The following RALGPS1 variants were observed in gnomAD, a reference collection of about 807,000 sequenced individuals.
RALGPS1 encodes the protein Ral GEF with PH domain and SH3 binding motif 1.
RALGPS1 carries 19 observed loss-of-function variants against 78.8 expected under a neutral mutation model. The observed-to-expected ratio is 0.24, with a 90% CI of 0.17 to 0.35. RALGPS1 has a LOEUF of 0.35. Ranked by LOEUF, RALGPS1 falls within the 10% of genes least tolerant of loss-of-function variation. RALGPS1 has a pLI of 1.00. For synonymous variants in RALGPS1, 228 were observed against 256.3 expected (o/e 0.89, Z 1.06); for missense variants, 454 against 688.3 (o/e 0.66, Z 3.81).
intron 8 of RALGPS1, among the ~76,000 whole-genome samples, chr9:127,139,201 G>A (rs1001244475): frequency 1.4e-4 from 21 of 152,144 alleles, no homozygotes; most frequent in African/African-American, 4.6e-4. Context: ...GCTGACACAC[G>A]GCAGACCTAG....
Position 127,219,141 on chromosome 9 carries a change from G to A in RALGPS1, c.*372G>A, listed in dbSNP as rs1407121796. 2.0e-5 allele frequency: 6 copies of A among 293,426 alleles called. No individual in the cohort carries two copies. Among genetic ancestry groups the A allele is most frequent in the African/African-American group, 1.1e-4 (5 of 46,374 alleles). 18.2% of individuals were successfully genotyped at this position (293,426 alleles called of 1,614,324 possible). On this transcript the variant is annotated 3_prime_UTR_variant, in exon 19 of 19. Coordinates refer to ENST00000259351, the MANE Select transcript of RALGPS1 (RefSeq NM_014636.3). The surrounding 1 kb of genome is among the most constrained non-coding windows in gnomAD (Gnocchi z 5.0). Reference sequence around the variant, plus strand: ...TAACTAACCTGTGAGAGGGGCCCGAGAGAAGGAACAGCTGTGGAACAGGCT... The same window carrying A: ...TAACTAACCTGTGAGAGGGGCCCGAAAGAAGGAACAGCTGTGGAACAGGCT...
chr9:127,100,671 G>A (rs116124818), intron 8 of RALGPS1, among the ~76,000 whole-genome samples: 1 of 152,236 alleles, frequency 6.6e-6, no homozygotes, highest in African/African-American at 2.4e-5. Flanking sequence ...TAATGAGAGT[G>A]GCCATGGCTC....
intron 8 of RALGPS1, among the ~76,000 whole-genome samples, chr9:127,094,159 C>T (rs951263162): frequency 1.3e-5 from 2 of 152,156 alleles, no homozygotes; most frequent in Admixed American, 1.3e-4. Context: ...CTCTCACCCG[C>T]CTCACAGTTT....
chr9:127,032,063 G>T (rs1386920615), intron 4 of RALGPS1, among the ~76,000 whole-genome samples: 2 of 152,222 alleles, frequency 1.3e-5, no homozygotes, highest in Non-Finnish European at 2.9e-5. Context: ...TTGCTTAACA[G>T]CAGCGTGCCC....
Position 126,931,281 on chromosome 9 carries a change from G to A in RALGPS1, c.-66+16306G>A, listed in dbSNP as rs953875494. On this transcript the variant is annotated intron_variant, in intron 1 of 18. Transcript: ENST00000259351. ...TAATCTACACTCAGGGAAGCCATGT[G>A]TCTACCTAAAAGAAGAGAGGGAGGA... Among the ~76,000 whole-genome samples, 99 of 152,304 alleles carry A rather than the reference G, an allele frequency of 6.5e-4. 1 individual carries two copies. Among genetic ancestry groups the A allele is most frequent in the East Asian group, 3.9e-4 (2 of 5,194 alleles).
chr9:126,940,547 C>T (rs185138429), intron 1 of RALGPS1, among the ~76,000 whole-genome samples: 2 of 150,892 alleles, frequency 1.3e-5, no homozygotes, highest in African/African-American at 2.4e-5. Context: ...TCACGCCATT[C>T]TCCTGCCTCA....
chr9:126,977,472 C>T (rs2040775682), intron 3 of RALGPS1, among the ~76,000 whole-genome samples: 1 of 152,180 alleles, frequency 6.6e-6, no homozygotes, highest in Non-Finnish European at 1.5e-5. Context: ...GAAAGTTCAT[C>T]TCACATTCAA....
intron 4 of RALGPS1, among the ~76,000 whole-genome samples, chr9:127,020,685 C>A (rs1427231693): frequency 6.6e-6 from 1 of 152,226 alleles, no homozygotes; most frequent in Non-Finnish European, 1.5e-5. Context: ...ATAGTATGAG[C>A]TCAGTTGAGA....
chr9:127,174,919 T>C, intron 11 of RALGPS1, 137 bp downstream of exon 11: 2 of 718,936 alleles, frequency 2.8e-6, no homozygotes, highest in Non-Finnish European at 4.8e-6. Context: ...TTCACAGCCC[T>C]CCTGCACCAG....
intron 1 of RALGPS1, among the ~76,000 whole-genome samples, chr9:126,938,457 G>A (rs720342): frequency 0.013 from 1,994 of 152,244 alleles, 17 homozygotes; most frequent in Middle Eastern, 0.031. Context: ...GGGCCCAGCA[G>A]GCATGGAGGC....
intron 4 of RALGPS1, among the ~76,000 whole-genome samples, chr9:127,007,024 C>G (rs182164915): frequency 6.6e-6 from 1 of 152,126 alleles, no homozygotes; most frequent in African/African-American, 2.4e-5. Flanking sequence ...AAATTGTGTA[C>G]AACATTTCTC....
rs752743336 is a variant in RALGPS1 at position 127,164,234 on chromosome 9, C to CTTA, written c.611-1833_611-1832insATT. Among the ~76,000 whole-genome samples the CTTA allele has an allele frequency of 2.4e-3, 365 of 151,890 alleles. 2 individuals are homozygous for CTTA. Among genetic ancestry groups the CTTA allele is most frequent in the Non-Finnish European group, 4.0e-3 (275 of 67,914 alleles). On this transcript the variant is annotated intron_variant, in intron 8 of 18. Transcript: ENST00000259351. The stretch of plus-strand genomic sequence containing the variant: ...ATATTTTCATTTATAGAAAACCAAG[C>CTTA]TTGTTATTATTATTATTATTAGGCA...
chr9:127,167,482 A>T (rs1354325018), intron 9 of RALGPS1, among the ~76,000 whole-genome samples: 1 of 152,142 alleles, frequency 6.6e-6, no homozygotes, highest in African/African-American at 2.4e-5. Context: ...TTGAAAAGTC[A>T]CTTTCTCCCC....
rs752222997 is a variant in RALGPS1 at position 127,212,104 on chromosome 9, G to A, written c.1248-27G>A. The A allele has an allele frequency of 1.3e-5, 21 of 1,581,962 alleles. No homozygotes were observed. Among genetic ancestry groups the A allele is most frequent in the Middle Eastern group, 1.7e-4 (1 of 5,958 alleles). ...TGCTTGACCTCAGCTCCTCCAGGGC[G>A]ATGTCTGACTGGTAGTCTCTCCTCA... On this transcript the variant is annotated intron_variant, in intron 14 of 18. Transcript: ENST00000259351. This position sits in a 1 kb window ranked among gnomAD's most constrained non-coding sequence, Gnocchi z 6.0.
chr9:127,200,777 C>T (rs896457509), intron 14 of RALGPS1, among the ~76,000 whole-genome samples: 2 of 152,224 alleles, frequency 1.3e-5, no homozygotes, highest in African/African-American at 2.4e-5. Context: ...TCAGGGGACT[C>T]CTGGGGACAC....
chr9:127,019,748 A>C (rs1330037788), intron 4 of RALGPS1, among the ~76,000 whole-genome samples: 1 of 151,922 alleles, frequency 6.6e-6, no homozygotes, highest in African/African-American at 2.4e-5. Flanking sequence ...TTTAACTTTG[A>C]TTTTAAGTTC....
At chr9:126,934,307 G>A (rs1314487771) in intron 1 of RALGPS1, among the ~76,000 whole-genome samples, 1 of 152,198 alleles carries the variant, frequency 6.6e-6, no homozygotes, top group African/African-American at 2.4e-5. Flanking sequence ...TACTTTTATA[G>A]TGGCTACTGT....
chr9:127,142,161 C>T (rs2057824240), intron 8 of RALGPS1, among the ~76,000 whole-genome samples: 1 of 152,198 alleles, frequency 6.6e-6, no homozygotes, highest in African/African-American at 2.4e-5. Context: ...GCCCTAGATG[C>T]CTCGTCACAT....
At chr9:127,195,315 C>A (rs2140530697) in intron 12 of RALGPS1, 98 bp downstream of exon 12, 1 of 1,466,760 alleles carries the variant, frequency 6.8e-7, no homozygotes, top group Non-Finnish European at 9.2e-7. Flanking sequence ...GGTCCCTCCC[C>A]TGCCCTGTTC....
Sources: gnomAD v4.1 joint callset for allele counts (sites outside exome capture counted in the v4.1 genomes callset) on GRCh38, gnomAD v4.1.1 for gene constraint, Gnocchi (gnomAD v3.1) non-coding constraint, MANE v1.5 for transcripts, NCBI Gene and HGNC (gene_info 2026-07-23, HGNC 2026-07-21) for gene names.